The following HPSE2 variants were observed in gnomAD, a reference collection of about 807,000 sequenced individuals.
HPSE2 encodes inactive heparanase-2.
A neutral mutation model predicts 60.5 loss-of-function variants in HPSE2; 38 were observed. The observed-to-expected ratio is 0.63, with a 90% confidence interval of 0.48 to 0.82. HPSE2 has a LOEUF of 0.82. Among genes scored for constraint, HPSE2 ranks in the 40% least tolerant of loss-of-function variants. The pLI, the probability that HPSE2 is intolerant of heterozygous loss-of-function variation, is 0.00. For missense variants in HPSE2, 713 were observed against 740.4 expected (o/e 0.96, Z 0.43); for synonymous variants, 295 against 293.2 (o/e 1.01, Z -0.06).
intron 3 of HPSE2, among the ~76,000 whole-genome samples, chr10:99,011,482 G>A (rs942405394): frequency 6.6e-6 from 1 of 151,982 alleles, no homozygotes; most frequent in African/African-American, 2.4e-5. Context: ...TACAGGCTGG[G>A]CGTGGTGGCT....
Position 98,609,696 on chromosome 10 carries a change from T to G in HPSE2, c.1320+5208A>C, listed in dbSNP as rs1945694649. The stretch of plus-strand genomic sequence containing the variant: ...TAGAGGTGGCATTTTTATTCCAATT[T>G]AAGTGATGGGAAAACTGGAATACCA... On this transcript the variant is annotated intron_variant, in intron 9 of 11. Transcript: ENST00000370552. 2.0e-5 allele frequency among the ~76,000 whole-genome samples: 3 copies of G among 152,140 alleles called. No individual in the cohort carries two copies. In the South Asian group the frequency reaches 6.2e-4, roughly 32 times the overall value.
chr10:98,875,888 G>A (rs1952864575), intron 3 of HPSE2, among the ~76,000 whole-genome samples: 1 of 151,902 alleles, frequency 6.6e-6, no homozygotes, highest in African/African-American at 2.4e-5. Context: ...TTTGTCATTT[G>A]TATCTATGTT....
chr10:98,965,902 T>C (rs2135250061), intron 3 of HPSE2, among the ~76,000 whole-genome samples: 1 of 152,272 alleles, frequency 6.6e-6, no homozygotes, highest in Non-Finnish European at 1.5e-5. Context: ...TTTTTTTCTT[T>C]TTTTTGAGAT....
At chr10:98,704,038 C>T (rs1948480881) in intron 5 of HPSE2, among the ~76,000 whole-genome samples, 1 of 152,152 alleles carries the variant, frequency 6.6e-6, no homozygotes, top group Non-Finnish European at 1.5e-5. Context: ...AGCCCAAAAA[C>T]TCCTTAAGCT....
chr10:99,136,345 A>T (rs541549902), intron 3 of HPSE2, among the ~76,000 whole-genome samples: 2 of 152,140 alleles, frequency 1.3e-5, no homozygotes, highest in Non-Finnish European at 2.9e-5. Context: ...TTCTGAAACT[A>T]CTCCAAACAA....
At chr10:98,920,390 T>C (rs1175708909) in intron 3 of HPSE2, among the ~76,000 whole-genome samples, 1 of 152,160 alleles carries the variant, frequency 6.6e-6, no homozygotes, top group African/African-American at 2.4e-5. Flanking sequence ...AGCATGGATA[T>C]TTCTCCAAAT....
chr10:99,030,683 C>A (rs1957479615), intron 3 of HPSE2, among the ~76,000 whole-genome samples: 1 of 152,218 alleles, frequency 6.6e-6, no homozygotes, highest in Non-Finnish European at 1.5e-5. Context: ...AAAGAGTCAT[C>A]TGCACTCCCA....
At chr10:98,981,116 G>T (rs1009540243) in intron 3 of HPSE2, among the ~76,000 whole-genome samples, 6 of 152,118 alleles carry the variant, frequency 3.9e-5, no homozygotes, top group African/African-American at 1.4e-4. Flanking sequence ...CCAGCTACCA[G>T]AAAACTGAAA....
chr10:98,847,972 T>C (rs1952073302), intron 3 of HPSE2, among the ~76,000 whole-genome samples: 1 of 152,252 alleles, frequency 6.6e-6, no homozygotes, highest in Admixed American at 6.5e-5. Flanking sequence ...AACGAAACTT[T>C]ATGCACTAGC....
intron 3 of HPSE2, among the ~76,000 whole-genome samples, chr10:98,941,956 C>T (rs1260009676): frequency 7.0e-6 from 1 of 142,210 alleles, no homozygotes; most frequent in Non-Finnish European, 1.5e-5. Context: ...CTTTGACAAA[C>T]CTGAGAAAAA....
At chr10:99,016,903 T>C (rs1038282529) in intron 3 of HPSE2, among the ~76,000 whole-genome samples, 3 of 152,176 alleles carry the variant, frequency 2.0e-5, no homozygotes, top group African/African-American at 4.8e-5. Flanking sequence ...TTTGCTGAAG[T>C]TGTTTATCTT....
intron 6 of HPSE2, among the ~76,000 whole-genome samples, chr10:98,682,694 G>A (rs1396364413): frequency 6.6e-6 from 1 of 152,086 alleles, no homozygotes; most frequent in Non-Finnish European, 1.5e-5. Flanking sequence ...TTCACACCAT[G>A]GTAAAGTCAC....
intron 5 of HPSE2, among the ~76,000 whole-genome samples, chr10:98,713,919 G>A (rs940838193): frequency 6.6e-6 from 1 of 151,722 alleles, no homozygotes; most frequent in African/African-American, 2.4e-5. Context: ...CATATATTAT[G>A]TAAGGATATC....
intron 3 of HPSE2, among the ~76,000 whole-genome samples, chr10:98,781,434 C>T (rs2862445): frequency 6.6e-6 from 1 of 151,094 alleles, no homozygotes; most frequent in African/African-American, 2.4e-5. Flanking sequence ...GGCAAAATTA[C>T]AAAACAAATA....
At chr10:98,647,651 A>G (rs1946809359) in intron 6 of HPSE2, among the ~76,000 whole-genome samples, 1 of 152,200 alleles carries the variant, frequency 6.6e-6, no homozygotes, top group South Asian at 2.1e-4. Context: ...AGAAAGGCTG[A>G]TTTGAGTATT....
chr10:99,160,560 C>A (rs1423333307), intron 2 of HPSE2, among the ~76,000 whole-genome samples: 1 of 152,174 alleles, frequency 6.6e-6, no homozygotes, highest in African/African-American at 2.4e-5. Flanking sequence ...AACAAACTCA[C>A]TCCTGAGAGC....
At chr10:98,757,532 C>T (rs2134375102) in intron 3 of HPSE2, among the ~76,000 whole-genome samples, 1 of 152,146 alleles carries the variant, frequency 6.6e-6, no homozygotes, top group African/African-American at 2.4e-5. Context: ...TTTCTATACA[C>T]CAACATTGTC....
intron 3 of HPSE2, among the ~76,000 whole-genome samples, chr10:99,064,553 G>C (rs1318470395): frequency 1.3e-5 from 2 of 151,458 alleles, no homozygotes; most frequent in African/African-American, 2.4e-5. Flanking sequence ...CCTTACTATA[G>C]TTATATGCAA....
At chr10:98,600,875 G>A (rs1183158435) in intron 9 of HPSE2, among the ~76,000 whole-genome samples, 3 of 119,130 alleles carry the variant, frequency 2.5e-5, no homozygotes, top group South Asian at 2.6e-4. Flanking sequence ...ACGTATATAT[G>A]TATATATACA....
Sources: gnomAD v4.1 joint callset for allele counts (sites outside exome capture counted in the v4.1 genomes callset) on GRCh38, gnomAD v4.1.1 for gene constraint, MANE v1.5 for transcripts, NCBI Gene and HGNC (gene_info 2026-07-23, HGNC 2026-07-21) for gene names.